Variants in ARMC9 observed in about 807,000 individuals in gnomAD.
ARMC9 encodes armadillo repeat containing 9.
A neutral mutation model predicts 107.0 loss-of-function variants in ARMC9; 94 were observed. The ratio of observed to expected loss-of-function variants is 0.88; its 90% CI spans 0.74 to 1.04. The LOEUF (loss-of-function observed/expected upper bound fraction) is 1.04, where lower values mean the gene tolerates loss of function less well. Among genes scored for constraint, ARMC9 ranks in the 50% least tolerant of loss-of-function variants. The pLI is 0.00. For missense variants in ARMC9, 942 were observed against 1,030.1 expected (o/e 0.91, Z 1.17); for synonymous variants, 380 against 396.9 (o/e 0.96, Z 0.51).
chr2:231,365,819 GAC>G (rs2045793739), intron 23 of ARMC9, among the ~76,000 whole-genome samples: 1 of 151,600 alleles, frequency 6.6e-6, no homozygotes, highest in South Asian at 2.1e-4. Context: ...TTTTTTTTGA[GAC>G]ACAGTCTCGC....
chr2:231,222,392 C>A (rs1394105048), intron 5 of ARMC9, among the ~76,000 whole-genome samples: 1 of 152,132 alleles, frequency 6.6e-6, no homozygotes, highest in African/African-American at 2.4e-5. Flanking sequence ...GCTGTGCGTG[C>A]CTAGACTGTA....
At chr2:231,305,491 C>T (rs1034737923) in intron 19 of ARMC9, among the ~76,000 whole-genome samples, 2 of 152,200 alleles carry the variant, frequency 1.3e-5, no homozygotes, top group Non-Finnish European at 2.9e-5. Flanking sequence ...CAAATCCAGG[C>T]GTAGTTCTGC....
chr2:231,239,776 C>T (rs1245381102), intron 8 of ARMC9, among the ~76,000 whole-genome samples, 167 bp from the exon 9 acceptor site: 1 of 152,222 alleles, frequency 6.6e-6, no homozygotes, highest in Non-Finnish European at 1.5e-5. Context: ...TCACTCCTCC[C>T]AAGAGCTCTG....
chr2:231,256,609 C>G lies in ARMC9; in HGVS notation c.903C>G (p.Ser301=). Residue 301 remains serine (S), a synonymous_variant, in exon 10 of 25, where the codon TCC becomes TCG. Transcript: ENST00000611582. ...AGGCATCCACCATGTTACGAGCCTCCTTGGCACCCGTGTAAGTAACTGCTC... is the reference window on the plus strand; with the variant it reads ...AGGCATCCACCATGTTACGAGCCTCGTTGGCACCCGTGTAAGTAACTGCTC... ...PGTASTMLRA[S]LAPVKLKDVP... 1 of 1,614,038 alleles carries G rather than the reference C, an allele frequency of 6.2e-7. No individual in the cohort carries two copies. Among genetic ancestry groups the G allele is most frequent in the Non-Finnish European group, 8.5e-7 (1 of 1,179,964 alleles).
At chr2:231,222,573 G>A (rs1460737484) in intron 5 of ARMC9, among the ~76,000 whole-genome samples, 155 bp from the exon 6 acceptor site, 1 of 152,162 alleles carries the variant, frequency 6.6e-6, no homozygotes, top group African/African-American at 2.4e-5. Flanking sequence ...TTGGTCAGAT[G>A]TCCTAAGACC....
chr2:231,369,157 C>T (rs759295963), intron 23 of ARMC9, among the ~76,000 whole-genome samples: 20 of 152,228 alleles, frequency 1.3e-4, no homozygotes, highest in Non-Finnish European at 2.5e-4. Context: ...AGGGAACTCC[C>T]GTGCAATCAC....
chr2:231,279,511 C>CTTTTTTTTTTTTTTTT (rs57779512), intron 16 of ARMC9, among the ~76,000 whole-genome samples: 23 of 124,794 alleles, frequency 1.8e-4, no homozygotes, highest in South Asian at 2.6e-4. Flanking sequence ...TTTCTTTTTT[C>CTTTTTTTTTTTTTTTT]TTTTTTTTTT....
At chr2:231,218,837 C>T (rs1175428001) in intron 5 of ARMC9, among the ~76,000 whole-genome samples, 3 of 152,028 alleles carry the variant, frequency 2.0e-5, no homozygotes, top group Non-Finnish European at 4.4e-5. Context: ...CTGCAACCTC[C>T]ACCTCCCGGG....
chr2:231,336,297 C>G (rs1406925917), intron 20 of ARMC9, among the ~76,000 whole-genome samples: 1 of 151,810 alleles, frequency 6.6e-6, no homozygotes, highest in Non-Finnish European at 1.5e-5. Context: ...TGGGCCAAGC[C>G]CTGTGCTGAC....
chr2:231,322,033 G>T (rs1283140136), intron 19 of ARMC9, among the ~76,000 whole-genome samples: 1 of 152,246 alleles, frequency 6.6e-6, no homozygotes, highest in African/African-American at 2.4e-5. Context: ...GGGAAGTAAA[G>T]GTTGTTTGGG....
At chr2:231,368,913 G>A (rs574252591) in intron 23 of ARMC9, among the ~76,000 whole-genome samples, 79 of 152,158 alleles carry the variant, frequency 5.2e-4, no homozygotes, top group African/African-American at 1.5e-3. Context: ...ATGAGCCACC[G>A]CGCCCGGCCT....
chr2:231,282,959 AAAG>A (rs1405509750), intron 17 of ARMC9, among the ~76,000 whole-genome samples: 1 of 152,242 alleles, frequency 6.6e-6, no homozygotes, highest in Non-Finnish European at 1.5e-5. Flanking sequence ...CAACCAAGGC[AAAG>A]AAGAGGAAAA....
rs182444367 is a variant in ARMC9, at chr2:231,282,239, G to A, written c.1626+106G>A. The A allele has an allele frequency of 2.5e-4, 273 of 1,110,102 alleles. No homozygotes were observed. In the East Asian group the frequency reaches 4.5e-3, roughly 18 times the overall value. 68.8% of individuals were successfully genotyped at this position (1,110,102 alleles called of 1,614,324 possible). On this transcript the variant is annotated intron_variant, in intron 17 of 24. Transcript: ENST00000611582. ...GGGCTCCATAGAAAGGCTCAGATCCGTTCCAAACTCCTTGAAATTGTATGT... is the reference window on the plus strand; with the variant it reads ...GGGCTCCATAGAAAGGCTCAGATCCATTCCAAACTCCTTGAAATTGTATGT...
chr2:231,314,922 C>T (rs147544632), intron 19 of ARMC9, among the ~76,000 whole-genome samples: 3 of 152,130 alleles, frequency 2.0e-5, no homozygotes, highest in East Asian at 3.9e-4. Context: ...TTATTCAACC[C>T]GTTGTATTGC....
At chr2:231,262,508 G>A in intron 12 of ARMC9, 110 bp downstream of exon 12, 2 of 1,070,218 alleles carry the variant, frequency 1.9e-6, no homozygotes, top group Non-Finnish European at 2.8e-6. Context: ...CTTCGTAACT[G>A]TATGTCAGCC....
chr2:231,292,016 A>G (rs1054640159), intron 18 of ARMC9, among the ~76,000 whole-genome samples: 21 of 151,006 alleles, frequency 1.4e-4, no homozygotes, highest in Admixed American at 7.9e-4. Context: ...TAAAAATGCA[A>G]AATTAGCCAG....
At chr2:231,250,687 GAGGA>G (rs1326076705) in intron 9 of ARMC9, among the ~76,000 whole-genome samples, 1 of 152,196 alleles carries the variant, frequency 6.6e-6, no homozygotes, top group Non-Finnish European at 1.5e-5. Context: ...CTGCCAGGGA[GAGGA>G]GCTGGTGACT....
Position 231,235,676 on chromosome 2 carries a change from C to T in ARMC9, c.780+295C>T, listed in dbSNP as rs111726677. 3.9e-5 allele frequency among the ~76,000 whole-genome samples: 6 copies of T among 152,256 alleles called. No individual in the cohort carries two copies. In the South Asian group the frequency reaches 6.2e-4, roughly 16 times the overall value. On this transcript the variant is annotated intron_variant, in intron 8 of 24. Transcript: ENST00000611582. ...TTTGTTTTTGAGATGGAGTTTTGCT[C>T]TTGTTGCCCAGGTTGGAGTGCAATG... is the stretch of plus-strand genomic sequence containing the variant.
chr2:231,249,372 C>T (rs1046775427), intron 9 of ARMC9, among the ~76,000 whole-genome samples: 1 of 152,128 alleles, frequency 6.6e-6, no homozygotes, highest in Non-Finnish European at 1.5e-5. Context: ...TGAGTCCAGT[C>T]AGTCTCCAGT....
Sources: allele counts gnomAD v4.1 joint callset (sites outside exome capture counted in the v4.1 genomes callset), GRCh38; gene constraint gnomAD v4.1.1; transcripts MANE v1.5; gene names NCBI Gene and HGNC (gene_info 2026-07-23, HGNC 2026-07-21).